Variants in CENPE observed in about 807,000 individuals in gnomAD.
CENPE encodes centromere protein E.
A neutral mutation model predicts 336.1 loss-of-function variants in CENPE; 145 were observed. The ratio of observed to expected loss-of-function variants is 0.43; its 90% CI spans 0.38 to 0.50. CENPE has a LOEUF of 0.50. Among genes scored for constraint, CENPE ranks in the 20% least tolerant of loss-of-function variants. CENPE has a pLI of 0.00. For synonymous variants in CENPE, 1,013 were observed against 984.8 expected, an observed-to-expected ratio of 1.03 and a Z score of -0.54; for missense variants, 2,719 against 3,023.3, an observed-to-expected ratio of 0.90 and a Z score of 2.36.
At chr4:103,143,595 AG>A (rs1298088110) in intron 33 of CENPE, among the ~76,000 whole-genome samples, 189 bp from the exon 34 acceptor site, 1 of 147,176 alleles carries the variant, frequency 6.8e-6, no homozygotes, top group East Asian at 2.0e-4. Flanking sequence ...GTTCCCTAAC[AG>A]GACACTTCAC....
At chr4:103,139,766 A>C in intron 38 of CENPE, 23 bp downstream of exon 38, 1 of 1,559,484 alleles carries the variant, frequency 6.4e-7, no homozygotes, top group Non-Finnish European at 8.6e-7. Flanking sequence ...TAGTTACTAC[A>C]CAAAGGAAGA....
chr4:103,121,344 T>C (rs922548908), intron 43 of CENPE, among the ~76,000 whole-genome samples: 6 of 152,150 alleles, frequency 3.9e-5, no homozygotes. Context: ...TTCATGGACA[T>C]ATAGAATCTC....
Position 103,114,540 on chromosome 4 carries a change from T to A in CENPE, c.7455A>T (p.Thr2485=). Residue 2485 remains threonine, a synonymous_variant, in exon 46 of 49, where the codon ACA becomes ACT. Coordinates refer to ENST00000265148, the MANE Select transcript of CENPE (RefSeq NM_001813.3). ...CCTTTTGATATTCTACAGTGGCTTT[T>A]GTAGCACTGATTCTAACAAAAACAA... ...AKEFEKEISA[T]KATVEYQKEV... is the part of the protein sequence containing the mutation. 6.2e-7 allele frequency: 1 copy of A among 1,601,726 alleles called. No homozygotes were observed. The highest frequency in any genetic ancestry group is 1.7e-5 in the Admixed American group (1 of 59,954).
chr4:103,191,673 A>G (rs1489417269), intron 8 of CENPE, among the ~76,000 whole-genome samples: 2 of 151,928 alleles, frequency 1.3e-5, no homozygotes, highest in Admixed American at 6.6e-5. Context: ...GGGGGATAGC[A>G]TTAGGAGATA....
At chr4:103,128,066 A>G (rs902802139) in intron 42 of CENPE, among the ~76,000 whole-genome samples, 1 of 152,128 alleles carries the variant, frequency 6.6e-6, no homozygotes, top group Non-Finnish European at 1.5e-5. Context: ...ATTAGAAAGT[A>G]AAGGGATGGA....
chr4:103,176,796 G>T, intron 14 of CENPE, 103 bp downstream of exon 14: 2 of 829,818 alleles, frequency 2.4e-6, no homozygotes, highest in East Asian at 2.7e-5. Context: ...GAAATACACA[G>T]TATTTAAACA....
intron 40 of CENPE, 57 bp from the exon 41 acceptor site, chr4:103,133,949 A>C: frequency 9.1e-7 from 1 of 1,095,550 alleles, no homozygotes; most frequent in East Asian, 2.6e-5. Context: ...ATGTAGAGAA[A>C]GTTTTCATCC....
chr4:103,114,670 G>A, intron 45 of CENPE, 118 bp from the exon 46 acceptor site: 1 of 658,334 alleles, frequency 1.5e-6, no homozygotes, highest in Non-Finnish European at 2.7e-6. Context: ...CCTGTAAGTG[G>A]CAGTAGATAA....
At position 103,194,353 on chromosome 4, in the gene CENPE, CAGAT is replaced by C; in HGVS notation, c.627+17_627+20del. ...TGCATTCTTACTTGGAAAGATCTAA[CAGAT>C]AGATAGAATTACCTACCATCCTAAA... On this transcript the variant is annotated intron_variant, in intron 7 of 48. Coordinates refer to ENST00000265148, the MANE Select transcript of CENPE (RefSeq NM_001813.3). 3 of 1,608,032 alleles carry C rather than the reference CAGAT, an allele frequency of 1.9e-6. No homozygotes were observed. The highest frequency in any genetic ancestry group is 2.6e-6 in the Non-Finnish European group (3 of 1,175,532).
rs72946172 is a variant in CENPE, at chr4:103,174,331, G to A, written c.1647+405C>T. ...AGTACAAAGTATAATGGTGGTTATT[G>A]GAGGCTGGGGTGTTTTTCAGGGAGA... On this transcript the variant is annotated intron_variant, in intron 16 of 48. Coordinates refer to ENST00000265148, the MANE Select transcript of CENPE (RefSeq NM_001813.3). Among the ~76,000 whole-genome samples, 1,519 of 152,058 alleles carry A rather than the reference G, an allele frequency of 1.0e-2. 29 individuals carry two copies. Among genetic ancestry groups the A allele is most frequent in the African/African-American group, 0.034 (1,429 of 41,516 alleles).
In CENPE at chr4:103,159,218, A is replaced by G. The variant is rs1250507678; in HGVS notation, c.2393T>C (p.Ile798Thr). Residue 798 changes from isoleucine to threonine, a missense_variant, in exon 22 of 49, where the codon ATT becomes ACT. By Grantham distance (89) the Ile-to-Thr change is moderately conservative. Transcript: ENST00000265148. The part of the protein sequence containing the change: ...ESRVQGLLEE[I>T]GKTKDDLATT... Reference sequence around the variant, plus strand: ...TGCTAGGTCATCTTTTGTTTTCCCAATTTCTTCAAGTAAACCTTGAACTCT... The same window carrying G: ...TGCTAGGTCATCTTTTGTTTTCCCAGTTTCTTCAAGTAAACCTTGAACTCT... The G allele has an allele frequency of 3.1e-6, 5 of 1,612,436 alleles. No individual in the cohort carries two copies. Among genetic ancestry groups the G allele is most frequent in the Non-Finnish European group, 3.4e-6 (4 of 1,179,050 alleles).
At chr4:103,150,049 A>C (rs1407731785) in intron 26 of CENPE, among the ~76,000 whole-genome samples, 1 of 152,170 alleles carries the variant, frequency 6.6e-6, no homozygotes, top group Non-Finnish European at 1.5e-5. Context: ...AGACTAATTA[A>C]ATATACAAAT....
At chr4:103,150,094 TA>T (rs5860739) in intron 26 of CENPE, among the ~76,000 whole-genome samples, 52,954 of 152,060 alleles carry the variant, frequency 0.35, 9,471 homozygotes, top group Middle Eastern at 0.48. Context: ...CTCATCCTCT[TA>T]AAAAACTTTT....
At chr4:103,189,803 A>G (rs1366316766) in intron 8 of CENPE, among the ~76,000 whole-genome samples, 1 of 152,206 alleles carries the variant, frequency 6.6e-6, no homozygotes, top group East Asian at 1.9e-4. Context: ...GCAATCAGGC[A>G]GGAGGAGGAA....
At chr4:103,130,671 G>A (rs1007832670) in intron 42 of CENPE, among the ~76,000 whole-genome samples, 4 of 152,114 alleles carry the variant, frequency 2.6e-5, no homozygotes, top group Admixed American at 1.3e-4. Context: ...AAGTTTATAT[G>A]GAGAGGCAAA....
At chr4:103,155,549 G>C (rs1277010750) in intron 24 of CENPE, among the ~76,000 whole-genome samples, 16 of 152,122 alleles carry the variant, frequency 1.1e-4, no homozygotes, top group Non-Finnish European at 1.5e-5. Flanking sequence ...CTGGACTCAA[G>C]CAATCTGCCC....
intron 45 of CENPE, among the ~76,000 whole-genome samples, chr4:103,115,335 T>C (rs1304547806): frequency 1.3e-5 from 2 of 152,124 alleles, no homozygotes; most frequent in Non-Finnish European, 2.9e-5. Flanking sequence ...GGTTTCACCA[T>C]GTTGGCCAGA....
Position 103,146,084 on chromosome 4 carries a change from T to C in CENPE, c.4158A>G (p.Gln1386=). The stretch of plus-strand genomic sequence containing the variant: ...TTTCTTTCATATTTAAGGACTGTTC[T>C]TGTTTGCTTTGAGACTCCTGGATCT... The part of the protein sequence containing the change: ...LAKIQESQSK[Q]EQSLNMKEKD... The change falls in exon 30 of 49, where the codon CAA becomes CAG. Residue 1386 remains glutamine, a synonymous_variant. Transcript: ENST00000265148. 2.5e-6 allele frequency: 4 copies of C among 1,613,460 alleles called. No individual in the cohort carries two copies. The Middle Eastern group carries it at 5.0e-4, about 200-fold the overall frequency.
intron 26 of CENPE, among the ~76,000 whole-genome samples, chr4:103,150,955 A>G (rs1753492961): frequency 1.3e-5 from 2 of 152,238 alleles, no homozygotes; most frequent in South Asian, 4.1e-4. Context: ...TGCTCAATAA[A>G]TATTTGATGA....
Sources: gnomAD v4.1 joint callset for allele counts (sites outside exome capture counted in the v4.1 genomes callset) on GRCh38, gnomAD v4.1.1 for gene constraint, MANE v1.5 for transcripts, NCBI Gene and HGNC (gene_info 2026-07-23, HGNC 2026-07-21) for gene names.